Variants in KCNAB1 observed in about 807,000 individuals in gnomAD.
KCNAB1 encodes the protein voltage-gated potassium channel subunit beta-1.
A neutral mutation model predicts 64.6 loss-of-function variants in KCNAB1; 35 were observed. The observed-to-expected ratio is 0.54, with a 90% CI of 0.41 to 0.72. The LOEUF (loss-of-function observed/expected upper bound fraction) is 0.72. Among genes scored for constraint, KCNAB1 ranks in the 30% least tolerant of loss-of-function variants. KCNAB1 has a pLI of 0.00. For missense variants in KCNAB1, 401 were observed against 512.9 expected, an observed-to-expected ratio of 0.78 and a Z score of 2.11; for synonymous variants, 177 against 183.8, an observed-to-expected ratio of 0.96 and a Z score of 0.30.
chr3:156,185,912 T>A (rs1431934116), intron 1 of KCNAB1, among the ~76,000 whole-genome samples: 1 of 152,212 alleles, frequency 6.6e-6, no homozygotes, highest in African/African-American at 2.4e-5. Flanking sequence ...AACTTCTCTA[T>A]AACTAAACAC....
At chr3:156,361,155 TCTC>T (rs1255465547) in intron 1 of KCNAB1, among the ~76,000 whole-genome samples, 3 of 152,120 alleles carry the variant, frequency 2.0e-5, no homozygotes, top group Non-Finnish European at 2.9e-5. Flanking sequence ...TCATCATTCT[TCTC>T]ATCTCAGCTT....
intron 1 of KCNAB1, among the ~76,000 whole-genome samples, chr3:156,308,161 T>G (rs1721638976): frequency 6.6e-6 from 1 of 152,180 alleles, no homozygotes; most frequent in Non-Finnish European, 1.5e-5. Context: ...TGGAAGAAAG[T>G]GAGCAAGTGA....
At chr3:156,297,874 T>G (rs191156732) in intron 1 of KCNAB1, among the ~76,000 whole-genome samples, 3 of 152,064 alleles carry the variant, frequency 2.0e-5, no homozygotes, top group African/African-American at 7.2e-5. Flanking sequence ...GAGAGCTAGC[T>G]CTGTGGCTGT....
At chr3:156,141,808 G>A (rs966213493) in intron 1 of KCNAB1, among the ~76,000 whole-genome samples, 1 of 152,210 alleles carries the variant, frequency 6.6e-6, no homozygotes, top group Non-Finnish European at 1.5e-5. Context: ...GTGTCATATA[G>A]TAAGTTTGGA....
intron 1 of KCNAB1, among the ~76,000 whole-genome samples, chr3:156,362,481 T>G (rs1300073250): frequency 2.0e-5 from 3 of 152,216 alleles, no homozygotes; most frequent in Non-Finnish European, 4.4e-5. Context: ...TGCCTGGGTT[T>G]TAATTGTTTA....
intron 1 of KCNAB1, among the ~76,000 whole-genome samples, chr3:156,312,917 T>C (rs1421073567): frequency 6.6e-6 from 1 of 152,108 alleles, no homozygotes; most frequent in Non-Finnish European, 1.5e-5. Flanking sequence ...AAATGGCCAC[T>C]AGCCTGGCTC....
chr3:156,281,714 A>G (rs1405598766), intron 1 of KCNAB1, among the ~76,000 whole-genome samples: 1 of 151,104 alleles, frequency 6.6e-6, no homozygotes, highest in African/African-American at 2.4e-5. Flanking sequence ...GTGTCCAGGA[A>G]TTTATCCATT....
At chr3:156,328,948 G>T (rs1723157550) in intron 1 of KCNAB1, among the ~76,000 whole-genome samples, 2 of 152,032 alleles carry the variant, frequency 1.3e-5, no homozygotes, top group Non-Finnish European at 2.9e-5. Flanking sequence ...AGTATATCTA[G>T]ACATTTGGTA....
intron 8 of KCNAB1, among the ~76,000 whole-genome samples, chr3:156,484,012 G>A (rs887125284): frequency 6.6e-6 from 1 of 152,106 alleles, no homozygotes; most frequent in African/African-American, 2.4e-5. Context: ...CTCATCTGGT[G>A]TTGTATTTTC....
intron 12 of KCNAB1, among the ~76,000 whole-genome samples, chr3:156,530,786 C>T (rs1718649214): frequency 6.6e-6 from 1 of 152,060 alleles, no homozygotes; most frequent in Non-Finnish European, 1.5e-5. Flanking sequence ...AACCAAGGAA[C>T]CAGAAACCTA....
chr3:156,485,892 C>A (rs555071403), intron 8 of KCNAB1, among the ~76,000 whole-genome samples: 1 of 152,082 alleles, frequency 6.6e-6, no homozygotes, highest in Non-Finnish European at 1.5e-5. Context: ...CCTCCAGCTC[C>A]GCCCATGTTG....
At chr3:156,247,546 A>G (rs1717533159) in intron 1 of KCNAB1, among the ~76,000 whole-genome samples, 1 of 152,082 alleles carries the variant, frequency 6.6e-6, no homozygotes, top group Non-Finnish European at 1.5e-5. Context: ...TTCTTCCAGC[A>G]GACTGAACCA....
intron 1 of KCNAB1, among the ~76,000 whole-genome samples, chr3:156,322,665 C>T (rs1325790835): frequency 2.6e-5 from 4 of 152,114 alleles, no homozygotes; most frequent in Non-Finnish European, 2.9e-5. Flanking sequence ...CAATAGGAAA[C>T]TTAGGGTCTG....
chr3:156,339,388 G>A (rs1276658779), intron 1 of KCNAB1, among the ~76,000 whole-genome samples: 2 of 152,120 alleles, frequency 1.3e-5, no homozygotes, highest in African/African-American at 4.8e-5. Context: ...CCAAATTTAA[G>A]TGCCTACTCT....
chr3:156,363,743 C>T (rs767650507), intron 1 of KCNAB1, among the ~76,000 whole-genome samples: 11 of 152,098 alleles, frequency 7.2e-5, no homozygotes, highest in East Asian at 5.8e-4. Flanking sequence ...CCCAAAGTGC[C>T]GGGATTACAG....
At chr3:156,516,146 T>C (rs1717544359) in intron 10 of KCNAB1, 124 bp from the exon 11 acceptor site, 1 of 632,704 alleles carries the variant, frequency 1.6e-6, no homozygotes, top group African/African-American at 1.9e-5. Flanking sequence ...TGATATTAAC[T>C]CATTTATCTG....
chr3:156,496,205 A>G (rs761808525), intron 8 of KCNAB1, among the ~76,000 whole-genome samples: 8 of 152,120 alleles, frequency 5.3e-5, no homozygotes, highest in Non-Finnish European at 8.8e-5. Flanking sequence ...AAATATTATT[A>G]TTGTTTTAAA....
At chr3:156,283,615 G>C (rs1314106553) in intron 1 of KCNAB1, among the ~76,000 whole-genome samples, 2 of 151,812 alleles carry the variant, frequency 1.3e-5, no homozygotes, top group Non-Finnish European at 2.9e-5. Flanking sequence ...ATCAGACGTA[G>C]ATTTGGTCTT....
intron 1 of KCNAB1, among the ~76,000 whole-genome samples, chr3:156,152,376 C>A (rs1715464751): frequency 1.3e-5 from 2 of 152,256 alleles, no homozygotes; most frequent in Admixed American, 1.3e-4. Context: ...GGTTAGGAAA[C>A]CATCCCAAGA....
Sources: allele counts gnomAD v4.1 joint callset (sites outside exome capture counted in the v4.1 genomes callset), GRCh38; gene constraint gnomAD v4.1.1; transcripts MANE v1.5; gene names NCBI Gene and HGNC (gene_info 2026-07-23, HGNC 2026-07-21).